SCLT1: variants seen among roughly 807,000 people sequenced by gnomAD.
The protein encoded by SCLT1 is sodium channel and clathrin linker 1.
Under a neutral mutation model 112.8 loss-of-function variants are expected in SCLT1, and 78 were observed. That is an observed-to-expected ratio of 0.69 (90% confidence interval 0.58 to 0.83). SCLT1 has a LOEUF of 0.83. SCLT1 is among the 40% of genes least tolerant of loss of function. SCLT1 has a pLI of 0.00. For missense variants in SCLT1, 747 were observed against 770.4 expected (o/e 0.97, Z 0.36); for synonymous variants, 257 against 254.7 (o/e 1.01, Z -0.09).
intron 5 of SCLT1, among the ~76,000 whole-genome samples, chr4:129,012,786 C>CT (rs33941543): frequency 0.61 from 88,409 of 145,742 alleles, 29,583 homozygotes; most frequent in Non-Finnish European, 0.76. Flanking sequence ...AATGCCATTT[C>CT]TTTTTTTTTT....
intron 5 of SCLT1, among the ~76,000 whole-genome samples, chr4:129,019,536 G>A (rs1745268271): frequency 6.6e-6 from 1 of 152,104 alleles, no homozygotes; most frequent in East Asian, 1.9e-4. Context: ...GACAAATATA[G>A]TGGCATATAT....
intron 5 of SCLT1, among the ~76,000 whole-genome samples, chr4:129,013,354 G>C (rs557086817): frequency 3.9e-5 from 6 of 152,090 alleles, no homozygotes; most frequent in African/African-American, 7.2e-5. Flanking sequence ...TCCTGTCATC[G>C]TGTCAGCTGG....
At chr4:129,049,023 C>T (rs1446009646) in intron 2 of SCLT1, among the ~76,000 whole-genome samples, 2 of 151,962 alleles carry the variant, frequency 1.3e-5, no homozygotes, top group Non-Finnish European at 2.9e-5. Flanking sequence ...CACTTTGACA[C>T]TGTTGGTGGG....
intron 18 of SCLT1, among the ~76,000 whole-genome samples, chr4:128,934,109 A>T (rs528947042): frequency 6.6e-5 from 10 of 151,962 alleles, no homozygotes; most frequent in Non-Finnish European, 1.3e-4. Flanking sequence ...ATAAACATTT[A>T]TATAGTTCCA....
intron 12 of SCLT1, among the ~76,000 whole-genome samples, chr4:128,958,957 G>C (rs1476226831): frequency 1.3e-5 from 2 of 152,070 alleles, no homozygotes; most frequent in Non-Finnish European, 2.9e-5. Context: ...GCATATACTA[G>C]GCATTCGATG....
chr4:129,003,870 G>A lies in SCLT1; in HGVS notation c.297C>T (p.His99=). 4 of 1,610,110 alleles carry A rather than the reference G, an allele frequency of 2.5e-6. No homozygotes were observed. The highest frequency in any genetic ancestry group is 2.5e-6 in the Non-Finnish European group (3 of 1,178,350). The change falls in exon 6 of 21, where the codon CAC becomes CAT. Residue 99 remains histidine, a synonymous_variant. Coordinates refer to ENST00000281142, the MANE Select transcript of SCLT1 (RefSeq NM_144643.4). ...TTTCAACAGCATCTTTTAATTCACTGTGCAACCTTTGAAACAAATAGTTAA... is the reference window on the plus strand; with the variant it reads ...TTTCAACAGCATCTTTTAATTCACTATGCAACCTTTGAAACAAATAGTTAA... ...ENVIKENERL[H]SELKDAVEKK...
intron 1 of SCLT1, among the ~76,000 whole-genome samples, chr4:129,089,048 T>C (rs1752624114): frequency 6.6e-6 from 1 of 152,000 alleles, no homozygotes; most frequent in African/African-American, 2.4e-5. Flanking sequence ...AAAGAAACCA[T>C]CATCAGAATG....
chr4:128,961,274 C>A (rs1579515998), intron 11 of SCLT1, among the ~76,000 whole-genome samples: 2 of 152,096 alleles, frequency 1.3e-5, no homozygotes, highest in South Asian at 2.1e-4. Flanking sequence ...AGAGAAGAGT[C>A]CAATTTAAGT....
intron 5 of SCLT1, among the ~76,000 whole-genome samples, chr4:129,032,208 C>T (rs1746786123): frequency 6.6e-6 from 1 of 151,938 alleles, no homozygotes; most frequent in Non-Finnish European, 1.5e-5. Context: ...ATCTGATCTT[C>T]AATAAACCTG....
intron 18 of SCLT1, among the ~76,000 whole-genome samples, chr4:128,933,249 A>T (rs1480402565): frequency 1.3e-5 from 2 of 152,140 alleles, no homozygotes; most frequent in African/African-American, 4.8e-5. Context: ...AGGTAGAATA[A>T]ACACTTGATT....
chr4:128,909,201 C>T (rs1378994216), intron 18 of SCLT1, among the ~76,000 whole-genome samples: 1 of 152,284 alleles, frequency 6.6e-6, no homozygotes, highest in Non-Finnish European at 1.5e-5. Flanking sequence ...TCTACCTGGT[C>T]TACCACCCTC....
chr4:128,998,647 T>C (rs1309780139), intron 7 of SCLT1, among the ~76,000 whole-genome samples: 2 of 151,604 alleles, frequency 1.3e-5, no homozygotes, highest in African/African-American at 4.8e-5. Context: ...GAGGAAACAG[T>C]CCTCAAAGAA....
downstream of SCLT1, among the ~76,000 whole-genome samples, chr4:128,879,683 C>A (rs1055972077): frequency 3.3e-5 from 5 of 152,156 alleles, no homozygotes; most frequent in Non-Finnish European, 5.9e-5. Context: ...AGATGCTCCA[C>A]AAACAGACAT....
intron 9 of SCLT1, among the ~76,000 whole-genome samples, chr4:128,985,798 C>T (rs1742041016): frequency 1.3e-5 from 2 of 151,990 alleles, no homozygotes; most frequent in Admixed American, 6.5e-5. Context: ...AGGCTGGTCT[C>T]GAACTCCTGA....
intron 3 of SCLT1, 92 bp from the exon 4 acceptor site, chr4:129,043,559 T>A (rs1196827644): frequency 1.6e-6 from 1 of 619,328 alleles, no homozygotes; most frequent in African/African-American, 1.9e-5. Flanking sequence ...AAAAATTTTA[T>A]GTTTAGTTTA....
intron 2 of SCLT1, among the ~76,000 whole-genome samples, chr4:129,079,395 CCAAAAGGGAGACATTGAT>C (rs1169912047): frequency 1.3e-5 from 2 of 152,184 alleles, no homozygotes; most frequent in African/African-American, 4.8e-5. Context: ...TACTCCCTTT[CCAAAAGGGAGACATTGAT>C]CAAAAGACAG....
intron 5 of SCLT1, among the ~76,000 whole-genome samples, chr4:129,013,677 C>T (rs544438201): frequency 6.6e-6 from 1 of 152,276 alleles, no homozygotes; most frequent in Non-Finnish European, 1.5e-5. Flanking sequence ...GAGGTCTGCT[C>T]TTAGTCTAAT....
chr4:129,049,854 G>T (rs1027518154), intron 2 of SCLT1, among the ~76,000 whole-genome samples: 26 of 152,152 alleles, frequency 1.7e-4, no homozygotes, highest in African/African-American at 5.8e-4. Flanking sequence ...AACCCTGCAT[G>T]CATTAGGTAT....
chr4:129,032,188 A>G (rs1290418232), intron 5 of SCLT1, among the ~76,000 whole-genome samples: 1 of 152,146 alleles, frequency 6.6e-6, no homozygotes, highest in Non-Finnish European at 1.5e-5. Context: ...AACACCACAC[A>G]TCTACAACCA....
Sources: allele counts gnomAD v4.1 joint callset (sites outside exome capture counted in the v4.1 genomes callset), GRCh38; gene constraint gnomAD v4.1.1; transcripts MANE v1.5; gene names NCBI Gene and HGNC (gene_info 2026-07-23, HGNC 2026-07-21).